Variants in CCDC47 observed in about 807,000 individuals in gnomAD.
The protein encoded by CCDC47 is coiled-coil domain containing 47, also known as PAT complex subunit CCDC47.
CCDC47 carries 41 observed loss-of-function variants against 60.5 expected under a neutral mutation model. That is an observed-to-expected ratio of 0.68 (90% CI 0.53 to 0.88). The LOEUF is 0.88. Among genes scored for constraint, CCDC47 ranks in the 40% least tolerant of loss-of-function variants. CCDC47 has a pLI of 0.00. For missense variants in CCDC47, 513 were observed against 580.9 expected (o/e 0.88, Z 1.20); for synonymous variants, 195 against 190.7 (o/e 1.02, Z -0.18).
intron 4 of CCDC47, chr17:63,762,105 T>TG: frequency 1.6e-5 from 16 of 984,996 alleles, no homozygotes; most frequent in Non-Finnish European, 1.9e-5. Flanking sequence ...AAATGATAAC[T>TG]GGGTCTTACT....
At chr17:63,768,707 A>T (rs2039314255) in intron 1 of CCDC47, among the ~76,000 whole-genome samples, 1 of 152,060 alleles carries the variant, frequency 6.6e-6, no homozygotes, top group African/African-American at 2.4e-5. Flanking sequence ...AAACACAAAT[A>T]ACAAAAGAAA....
chr17:63,750,867 G>A lies in CCDC47; in HGVS notation c.1371+1073C>T, dbSNP rs546184829. 4.0e-5 allele frequency among the ~76,000 whole-genome samples: 6 copies of A among 150,922 alleles called. No homozygotes were observed. The South Asian group carries it at 1.1e-3, about 26-fold the overall frequency. ...CTCCCAAAGTGCTGGGATTACAGGC[G>A]TGAGCCACCACGCCCGGCCTGTCCT... On this transcript the variant is annotated intron_variant, in intron 12 of 12. Transcript: ENST00000225726.
intron 1 of CCDC47, among the ~76,000 whole-genome samples, chr17:63,770,763 A>G (rs1023048118): frequency 1.3e-5 from 2 of 152,058 alleles, no homozygotes; most frequent in East Asian, 3.9e-4. Flanking sequence ...ATACGGGCAG[A>G]TCAGCGGAGG....
In CCDC47 at chr17:63,764,140, C is replaced by A. The variant is rs776778593; in HGVS notation, c.423G>T (p.Leu141Phe). The change falls in exon 4 of 13, where the codon TTG becomes TTT. Residue 141 changes from leucine (L) to phenylalanine (F), a missense_variant. Coordinates refer to ENST00000225726, the MANE Select transcript of CCDC47 (RefSeq NM_020198.3). ...NSWESYYLEI[L>F]MVTGLLAYIM... ...TATAAGCAAGCAGACCAGTCACCATCAAAATTTCTAGATAATAACTCTCCC... is the reference window on the plus strand; with the variant it reads ...TATAAGCAAGCAGACCAGTCACCATAAAAATTTCTAGATAATAACTCTCCC... The A allele has an allele frequency of 1.1e-5, 17 of 1,611,756 alleles. No homozygotes were observed. Among genetic ancestry groups the A allele is most frequent in the Admixed American group, 1.7e-5 (1 of 59,350 alleles).
Position 63,761,267 on chromosome 17 carries a change from C to G in CCDC47, c.632G>C (p.Gly211Ala). 1 of 1,614,102 alleles carries G rather than the reference C, an allele frequency of 6.2e-7. No individual in the cohort carries two copies. Among genetic ancestry groups the G allele is most frequent in the Non-Finnish European group, 8.5e-7 (1 of 1,179,988 alleles). Residue 211 changes from glycine to alanine, a missense_variant, in exon 5 of 13, where the codon GGT (glycine) becomes GCT (alanine). Physicochemically the swap from Gly to Ala is moderately conservative, Grantham distance 60. Transcript: ENST00000225726. Reference protein sequence around the residue: ...NEHIYNLWCSGRVCCEGMLIQ... With the variant: ...NEHIYNLWCSARVCCEGMLIQ... ...AAGCATGCCCTCACAGCACACTCGA[C>G]CAGAACACCACAGGTTATAGATGTG...
At chr17:63,750,892 T>G (rs961803386) in intron 12 of CCDC47, among the ~76,000 whole-genome samples, 5 of 151,320 alleles carry the variant, frequency 3.3e-5, no homozygotes, top group Non-Finnish European at 7.4e-5. Flanking sequence ...CGGCCTGTCC[T>G]CTCCCTCTTT....
intron 1 of CCDC47, among the ~76,000 whole-genome samples, chr17:63,772,291 T>C (rs2039350794): frequency 7.4e-6 from 1 of 135,768 alleles, no homozygotes; most frequent in African/African-American, 2.9e-5. Context: ...TCTGACTCTG[T>C]CACCCAGGCT....
intron 8 of CCDC47, among the ~76,000 whole-genome samples, chr17:63,755,923 C>CAA (rs59036340): frequency 3.0e-5 from 3 of 98,520 alleles, no homozygotes; most frequent in East Asian, 2.6e-4. Context: ...AACTGGAGCT[C>CAA]AAAAAAAAAA....
In CCDC47 at chr17:63,761,366, A is replaced by G; in HGVS notation, c.548-15T>C. The G allele has an allele frequency of 6.2e-7, 1 of 1,613,326 alleles. No individual in the cohort carries two copies. The highest frequency in any genetic ancestry group is 8.5e-7 in the Non-Finnish European group (1 of 1,179,756). On this transcript the variant is annotated splice_polypyrimidine_tract_variant and intron_variant, in intron 4 of 12. Coordinates refer to ENST00000225726, the MANE Select transcript of CCDC47 (RefSeq NM_020198.3). ...TCCATCATCCCCTAGGGGTAAAACC[A>G]CTTAATGTGACTCAACAGAAAATGT...
chr17:63,750,105 T>C (rs1008422600), intron 12 of CCDC47, among the ~76,000 whole-genome samples: 1 of 152,152 alleles, frequency 6.6e-6, no homozygotes, highest in East Asian at 1.9e-4. Context: ...TTCAAAAAAA[T>C]TAAATGATTT....
chr17:63,764,345 C>T (rs1182306085), intron 3 of CCDC47, among the ~76,000 whole-genome samples, 155 bp from the exon 4 acceptor site: 2 of 152,132 alleles, frequency 1.3e-5, no homozygotes, highest in African/African-American at 4.8e-5. Context: ...GTCCATTTTA[C>T]TTTTCTAGGC....
intron 12 of CCDC47, among the ~76,000 whole-genome samples, chr17:63,749,453 G>GAAAAAAAAAA (rs34119562): frequency 9.9e-6 from 1 of 101,296 alleles, no homozygotes; most frequent in Non-Finnish European, 2.1e-5. Context: ...CCAGAATAAG[G>GAAAAAAAAAA]AAAAAAAAAA....
intron 4 of CCDC47, 166 bp from the exon 5 acceptor site, chr17:63,761,517 T>TAAAA (rs11429720): frequency 1.1e-3 from 215 of 192,122 alleles, no homozygotes; most frequent in East Asian, 5.8e-3. Flanking sequence ...CTGTCCCTAC[T>TAAAA]AAAAAAAAAA....
At chr17:63,759,856 G>A (rs1056928672) in intron 6 of CCDC47, among the ~76,000 whole-genome samples, 2 of 150,986 alleles carry the variant, frequency 1.3e-5, no homozygotes, top group Admixed American at 6.6e-5. Flanking sequence ...ACGAGGTCAG[G>A]AGATCGAGAC....
At chr17:63,747,032 T>A in intron 12 of CCDC47, 71 bp from the exon 13 acceptor site, 2 of 1,559,670 alleles carry the variant, frequency 1.3e-6, no homozygotes, top group Admixed American at 2.0e-5. Context: ...GCTTGAAACA[T>A]ATGTTAAAAA....
Position 63,765,996 on chromosome 17 carries a change from A to G in CCDC47, c.180T>C (p.Thr60=), listed in dbSNP as rs746125351. Residue 60 remains threonine, a synonymous_variant, in exon 2 of 13, where the codon ACT becomes ACC. Transcript: ENST00000225726. ...CAGTGGTCTCATCTTCATCATCTTCAGTGATTATGACCCGTTGAGGAGATT... is the reference window on the plus strand; with the variant it reads ...CAGTGGTCTCATCTTCATCATCTTCGGTGATTATGACCCGTTGAGGAGATT... ...VTESPQRVII[T]EDDEDETTVE... is the part of the protein sequence containing the mutation. The G allele has an allele frequency of 1.9e-6, 3 of 1,613,958 alleles. No individual in the cohort carries two copies. Among genetic ancestry groups the G allele is most frequent in the Admixed American group, 1.7e-5 (1 of 60,016 alleles).
At chr17:63,771,045 GAAGA>G (rs58944348) in intron 1 of CCDC47, among the ~76,000 whole-genome samples, 15 of 97,838 alleles carry the variant, frequency 1.5e-4, no homozygotes, top group Admixed American at 9.1e-4. Context: ...AGGAAGGAAG[GAAGA>G]AAGAAAGAAA....
intron 4 of CCDC47, chr17:63,762,264 G>T (rs1381105544): frequency 1.3e-5 from 13 of 985,078 alleles, no homozygotes; most frequent in Non-Finnish European, 1.6e-5. Context: ...CAAGCAAGGG[G>T]AAGTAGAAGG....
chr17:63,751,826 A>ATAC, intron 12 of CCDC47, 114 bp downstream of exon 12: 1 of 1,145,150 alleles, frequency 8.7e-7, no homozygotes, highest in Non-Finnish European at 1.3e-6. Flanking sequence ...CAATGTCCCA[A>ATAC]ATGTTGAGAA....
Sources: allele counts gnomAD v4.1 joint callset (sites outside exome capture counted in the v4.1 genomes callset), GRCh38; gene constraint gnomAD v4.1.1; transcripts MANE v1.5; gene names NCBI Gene and HGNC (gene_info 2026-07-23, HGNC 2026-07-21).